IGSF9: variants seen among roughly 807,000 people sequenced by gnomAD.
IGSF9 encodes protein turtle homolog A.
A neutral mutation model predicts 121.7 loss-of-function variants in IGSF9; 87 were observed. That is an observed-to-expected ratio of 0.71 (90% confidence interval 0.60 to 0.85). The LOEUF is 0.85. Ranked by LOEUF, IGSF9 falls within the 40% of genes least tolerant of loss-of-function variation. IGSF9 has a pLI of 0.00. For synonymous variants in IGSF9, 640 were observed against 648.4 expected, an observed-to-expected ratio of 0.99 and a Z score of 0.20; for missense variants, 1,462 against 1,565.3, an observed-to-expected ratio of 0.93 and a Z score of 1.11.
At chr1:159,937,129 G>A (rs887844253) in intron 4 of IGSF9, among the ~76,000 whole-genome samples, 1 of 152,196 alleles carries the variant, frequency 6.6e-6, no homozygotes, top group African/African-American at 2.4e-5. Context: ...AACCCAGGTT[G>A]GATGTCCAGA....
chr1:159,933,817 C>A, intron 9 of IGSF9: 1 of 294,528 alleles, frequency 3.4e-6, no homozygotes, highest in East Asian at 1.1e-4. Flanking sequence ...TGCCTCCTTG[C>A]CCCTGCCCTC....
rs1412774335 is a variant in IGSF9, at chr1:159,927,876, G to A, written c.3242C>T (p.Ser1081Phe). Residue 1081 changes from serine (S) to phenylalanine (F), a missense_variant, in exon 20 of 21, where the codon TCT (serine) becomes TTT (phenylalanine). By Grantham distance (155) the Ser-to-Phe change is radical (BLOSUM62 -2). This residue lies in a region of IGSF9 where 808 missense variants were observed against 815.2 expected (regional missense o/e 0.99). Transcript: ENST00000368094. ...GTCCCACTCATAGTTCTCGTCCACA[G>A]ATGTGTTCCTCCTGTAAAAAAAAAA... The part of the protein sequence containing the change: ...VVTVSKRRNT[S>F]VDENYEWDSE... The A allele has an allele frequency of 6.3e-7, 1 of 1,589,094 alleles. No individual in the cohort carries two copies. The highest frequency in any genetic ancestry group is 1.8e-5 in the Admixed American group (1 of 56,566).
At position 159,930,246 on chromosome 1, in the gene IGSF9, C is replaced by T; in HGVS notation, c.2007G>A (p.Val669=). 1 of 1,613,820 alleles carries T rather than the reference C, an allele frequency of 6.2e-7. No individual in the cohort carries two copies. The highest frequency in any genetic ancestry group is 1.1e-5 in the South Asian group (1 of 91,056). ...EGRQGSQGWE[V]LDPAVAGTET... Reference sequence around the variant, plus strand: ...CTGTGCCTGCCACAGCCGGGTCCAGCACCTCCCAGCCCTGGGAGCCTTGCC... The same window carrying T: ...CTGTGCCTGCCACAGCCGGGTCCAGTACCTCCCAGCCCTGGGAGCCTTGCC... Residue 669 remains valine (V), a synonymous_variant, in exon 15 of 21, where the codon GTG becomes GTA. Coordinates refer to ENST00000368094, the MANE Select transcript of IGSF9 (RefSeq NM_001135050.2).
Position 159,932,744 on chromosome 1 carries a change from C to CCACAGCTGCTGGAGTCTTCTG in IGSF9, c.1105-93_1105-92insCAGAAGACTCCAGCAGCTGTG. On this transcript the variant is annotated intron_variant, in intron 9 of 20. Transcript: ENST00000368094. The surrounding 1 kb of genome is among the most constrained non-coding windows in gnomAD (Gnocchi z 4.1). ...CAAGAGAGGGGGCAGGATGAGAAAC[C>CCACAGCTGCTGGAGTCTTCTG]CACAGCTGTGCAGAAGACTCCAGCA... 1 of 1,296,942 alleles carries CCACAGCTGCTGGAGTCTTCTG rather than the reference C, an allele frequency of 7.7e-7. No homozygotes were observed. Among genetic ancestry groups the CCACAGCTGCTGGAGTCTTCTG allele is most frequent in the Non-Finnish European group, 1.1e-6 (1 of 946,404 alleles). 80.3% of individuals were successfully genotyped at this position (1,296,942 alleles called of 1,614,324 possible). A position where few individuals can be genotyped will look rare whatever the true frequency, so the allele number is the denominator to read the frequency against.
Position 159,943,166 on chromosome 1 carries a change from G to T in IGSF9, c.59-15C>A. 6.3e-7 allele frequency: 1 copy of T among 1,577,886 alleles called. No individual in the cohort carries two copies. Among genetic ancestry groups the T allele is most frequent in the Non-Finnish European group, 8.6e-7 (1 of 1,166,034 alleles). On this transcript the variant is annotated splice_polypyrimidine_tract_variant and intron_variant, in intron 2 of 20. Transcript: ENST00000368094. ...CTTCCCTCGACCTGCATGATGGGTG[G>T]CATGAGGGCACAACGGGGGGCTAGG...
Position 159,932,504 on chromosome 1 carries a change from G to A in IGSF9, c.1245+8C>T, listed in dbSNP as rs764821881. 1.2e-5 allele frequency: 16 copies of A among 1,378,712 alleles called. No homozygotes were observed. Among genetic ancestry groups the A allele is most frequent in the Admixed American group, 7.8e-5 (4 of 51,110 alleles). 85.4% of individuals were successfully genotyped at this position (1,378,712 alleles called of 1,614,324 possible). A position where few individuals can be genotyped will look rare whatever the true frequency, so the allele number is the denominator to read the frequency against. ...TCACCACAGGCCCCCGCCCACCCCC[G>A]GCCTAACCTTGAGCAGCACGCGGGT... On this transcript the variant is annotated splice_region_variant and intron_variant, in intron 10 of 20. Transcript: ENST00000368094. This position sits in a 1 kb window ranked among gnomAD's most constrained non-coding sequence, Gnocchi z 4.1.
chr1:159,930,020 C>A lies in IGSF9; in HGVS notation c.2065-45G>T, dbSNP rs1388225033. Reference sequence around the variant, plus strand: ...CCAGGAGGGAGGTCAGGGCCCAGCACCGCCCAACCCAGCGGGGCGCGGAAA... The same window carrying A: ...CCAGGAGGGAGGTCAGGGCCCAGCAACGCCCAACCCAGCGGGGCGCGGAAA... On this transcript the variant is annotated intron_variant, in intron 15 of 20. Coordinates refer to ENST00000368094, the MANE Select transcript of IGSF9 (RefSeq NM_001135050.2). 1.9e-6 allele frequency: 3 copies of A among 1,582,612 alleles called. No individual in the cohort carries two copies. The South Asian group carries it at 3.3e-5, about 18-fold the overall frequency.
At chr1:159,930,140 G>A in intron 15 of IGSF9, 49 bp downstream of exon 15, 1 of 1,562,432 alleles carries the variant, frequency 6.4e-7, no homozygotes, top group South Asian at 1.2e-5. Flanking sequence ...GGAGAAGGAC[G>A]CAGGAGAGCC....
chr1:159,936,065 T>C (rs962103724), intron 6 of IGSF9, among the ~76,000 whole-genome samples: 1 of 152,166 alleles, frequency 6.6e-6, no homozygotes, highest in African/African-American at 2.4e-5. Flanking sequence ...TAAATTCTTG[T>C]AACACACCTG....
In IGSF9 at chr1:159,934,718, T is replaced by C; in HGVS notation, c.778A>G (p.Ser260Gly). ...ACATTGATGTTGTCCTGGAACCAGC[T>C]GTAGGTGAGGTTAGCAGGGTATGCC... ...AEAYPANLTY[S>G]WFQDNINVFH... The change falls in exon 7 of 21, where the codon AGC becomes GGC. Residue 260 changes from serine to glycine, a missense_variant. Transcript: ENST00000368094. 1 of 1,614,240 alleles carries C rather than the reference T, an allele frequency of 6.2e-7. No homozygotes were observed. Among genetic ancestry groups the C allele is most frequent in the Non-Finnish European group, 8.5e-7 (1 of 1,180,034 alleles).
chr1:159,937,646 C>T, intron 4 of IGSF9, 40 bp downstream of exon 4: 1 of 1,597,656 alleles, frequency 6.3e-7, no homozygotes, highest in South Asian at 1.1e-5. Context: ...CATCCTCCTC[C>T]TCCCCGTCCT....
Position 159,931,512 on chromosome 1 carries a change from TCCCAGTGC to T in IGSF9, c.1446_1453del (p.His483MetfsTer22), listed in dbSNP as rs1166070578. The T allele has an allele frequency of 6.2e-7, 1 of 1,614,054 alleles. No individual in the cohort carries two copies. The highest frequency in any genetic ancestry group is 1.3e-5 in the African/African-American group (1 of 75,032). ...GGCCACAGCATTGCTGGCACTGCAT[TCCCAGTGC>T]CCGTGGGCCTCCTTGGTCAATGGTC... On this transcript the variant is annotated frameshift_variant, in exon 12 of 21. Transcript: ENST00000368094. LOFTEE classifies it high-confidence loss of function. The surrounding 1 kb of genome is among the most constrained non-coding windows in gnomAD (Gnocchi z 4.8).
In IGSF9 at chr1:159,928,333, C is replaced by T; in HGVS notation, c.3055G>A (p.Gly1019Ser). The T allele has an allele frequency of 1.9e-6, 3 of 1,609,914 alleles. No individual in the cohort carries two copies. The highest frequency in any genetic ancestry group is 2.5e-6 in the Non-Finnish European group (3 of 1,178,254). Residue 1019 changes from glycine to serine, a missense_variant, in exon 19 of 21, where the codon GGC (glycine) becomes AGC (serine). Physicochemically the swap from Gly to Ser is moderately conservative, Grantham distance 56. Transcript: ENST00000368094. Reference sequence around the variant, plus strand: ...CCACTGCTCTGGCTGGTGAGGCTGCCTCGAGGGGCAGCAGGGAGAAGGCCT... The same window carrying T: ...CCACTGCTCTGGCTGGTGAGGCTGCTTCGAGGGGCAGCAGGGAGAAGGCCT... The part of the protein sequence containing the change: ...LPGLLPAAPR[G>S]SLTSQSSGRG...
Position 159,932,420 on chromosome 1 carries a change from G to GGC in IGSF9, c.1245+91_1245+92insGC. The GGC allele has an allele frequency of 7.8e-6, 8 of 1,021,816 alleles. No homozygotes were observed. The highest frequency in any genetic ancestry group is 2.7e-5 in the East Asian group (1 of 36,492). 63.3% of individuals were successfully genotyped at this position (1,021,816 alleles called of 1,614,324 possible). ...CTTGGAAACCCCTCCCCATGTGTCT[G>GGC]CCCCACCCCACCCCCATCAGCCTGG... On this transcript the variant is annotated intron_variant, in intron 10 of 20. Coordinates refer to ENST00000368094, the MANE Select transcript of IGSF9 (RefSeq NM_001135050.2). This position sits in a 1 kb window ranked among gnomAD's most constrained non-coding sequence, Gnocchi z 4.1.
rs766629594 is a variant in IGSF9, at chr1:159,928,694, G to C, written c.2694C>G (p.Leu898=). 1.8e-5 allele frequency: 27 copies of C among 1,478,238 alleles called. No individual in the cohort carries two copies. The African/African-American group carries it at 3.0e-4, about 16-fold the overall frequency. 91.6% of individuals were successfully genotyped at this position (1,478,238 alleles called of 1,614,324 possible). The part of the protein sequence containing the change: ...SSSPSGAPQP[L]CIEDISPVAP... ...CCACAGGGCTGATGTCTTCAATGCAGAGGGGCTGGGGTGCCCCACTGGGGC... is the reference window on the plus strand; with the variant it reads ...CCACAGGGCTGATGTCTTCAATGCACAGGGGCTGGGGTGCCCCACTGGGGC... Residue 898 remains leucine, a synonymous_variant, in exon 19 of 21, where the codon CTC becomes CTG. Transcript: ENST00000368094.
At chr1:159,937,613 T>G in intron 4 of IGSF9, 73 bp downstream of exon 4, 1 of 1,533,726 alleles carries the variant, frequency 6.5e-7, no homozygotes, top group Non-Finnish European at 9.0e-7. Flanking sequence ...CTCTTCCCCT[T>G]TCTCCCACCA....
At chr1:159,930,515 C>A in intron 14 of IGSF9, 76 bp from the exon 15 acceptor site, 1 of 1,519,184 alleles carries the variant, frequency 6.6e-7, no homozygotes, top group Non-Finnish European at 8.8e-7. Context: ...CTCCCAGTGC[C>A]CAACTCTTCT....
chr1:159,937,674 C>T lies in IGSF9; in HGVS notation c.400+12G>A. ...CCCGTCCTTCTCCACCACCTGCCCC[C>T]CAGCTTCATACAATTGACTGTCAGA... On this transcript the variant is annotated intron_variant, in intron 4 of 20. Transcript: ENST00000368094. 8.1e-6 allele frequency: 13 copies of T among 1,609,346 alleles called. No homozygotes were observed. The highest frequency in any genetic ancestry group is 2.2e-5 in the South Asian group (2 of 91,002).
chr1:159,930,207 C>T lies in IGSF9; in HGVS notation c.2046G>A (p.Leu682=). 2 of 1,610,774 alleles carry T rather than the reference C, an allele frequency of 1.2e-6. No individual in the cohort carries two copies. Among genetic ancestry groups the T allele is most frequent in the Non-Finnish European group, 1.7e-6 (2 of 1,178,200 alleles). ...CACATACCTTGATGAGGCCTGGCAC[C>T]AGCAGCTCTGTTTCTGTGCCTGCCA... ...PAVAGTETEL[L]VPGLIKDVLY... The change falls in exon 15 of 21, where the codon CTG becomes CTA. Residue 682 remains leucine, a synonymous_variant. Coordinates refer to ENST00000368094, the MANE Select transcript of IGSF9 (RefSeq NM_001135050.2).
Sources: gnomAD v4.1 joint callset for allele counts (sites outside exome capture counted in the v4.1 genomes callset) on GRCh38, gnomAD v4.1.1 for gene constraint, gnomAD v4.1.1 regional missense constraint, Gnocchi (gnomAD v3.1) non-coding constraint, MANE v1.5 for transcripts, NCBI Gene and HGNC (gene_info 2026-07-23, HGNC 2026-07-21) for gene names.